Variants in CLCC1 observed in about 807,000 individuals in gnomAD.
The protein encoded by CLCC1 is chloride channel CLIC like 1.
Under a neutral mutation model 63.3 loss-of-function variants are expected in CLCC1, and 39 were observed. That is an observed-to-expected ratio of 0.62 (90% CI 0.48 to 0.81). The LOEUF (loss-of-function observed/expected upper bound fraction) is 0.81. CLCC1 is among the 30% of genes least tolerant of loss of function. The pLI is 0.00. For synonymous variants in CLCC1, 217 were observed against 239.8 expected (o/e 0.90, Z 0.88); for missense variants, 549 against 669.4 (o/e 0.82, Z 1.98).
Position 108,930,031 on chromosome 1 carries a change from T to A in CLCC1, c.*2516A>T. The A allele has an allele frequency of 9.0e-7, 1 of 1,109,012 alleles. No homozygotes were observed. 68.7% of individuals were successfully genotyped at this position (1,109,012 alleles called of 1,614,324 possible). On this transcript the variant is annotated 3_prime_UTR_variant, in exon 13 of 13. Coordinates refer to ENST00000369969, the MANE Select transcript of CLCC1 (RefSeq NM_001377458.1). ...AAAAGGAGAATTTATAGCACTGTAA[T>A]ACAGCTTAAAATATTTTTAGAATGA... is the stretch of plus-strand genomic sequence containing the variant.
Position 108,939,663 on chromosome 1 carries a change from C to G in CLCC1, c.1014G>C (p.Val338=). Residue 338 remains valine, a synonymous_variant, in exon 10 of 13, where the codon GTG becomes GTC. Transcript: ENST00000369969. ...GGATGGCTAATGCCATAATTATCAG[C>G]ACTGGAAGATGAAGCAGCGCTGGAA... is the stretch of plus-strand genomic sequence containing the variant. ...KEIPALLHLP[V]LIIMALAILS... 6.2e-7 allele frequency: 1 copy of G among 1,614,052 alleles called. No homozygotes were observed. The highest frequency in any genetic ancestry group is 8.5e-7 in the Non-Finnish European group (1 of 1,179,986).
At chr1:108,962,566 T>C (rs1462034799) in intron 1 of CLCC1, 97 bp from the exon 2 acceptor site, 1 of 152,130 alleles carries the variant, frequency 6.6e-6, no homozygotes, top group Non-Finnish European at 1.5e-5. Context: ...GTCTAACTTT[T>C]TACACTCAAA....
chr1:108,939,383 T>C (rs1653501416), intron 10 of CLCC1, among the ~76,000 whole-genome samples: 1 of 150,032 alleles, frequency 6.7e-6, no homozygotes, highest in Non-Finnish European at 1.5e-5. Context: ...CTCGGCTCAC[T>C]GCAAGCTCCG....
rs140783310 is a variant in CLCC1 at position 108,962,554 on chromosome 1, G to A, written c.-172-85C>T. The A allele has an allele frequency of 6.2e-3, 939 of 152,244 alleles. 3 individuals are homozygous for A. The highest frequency in any genetic ancestry group is 0.021 in the African/African-American group (866 of 41,532). The allele number at this position is 152,244 out of a possible 1,614,324, so 9.4% of individuals were successfully genotyped here. A position where few individuals can be genotyped will look rare whatever the true frequency, so the allele number is the denominator to read the frequency against. ...CAGTAATAAACCTACAGCTTATGGT[G>A]TGTCTAACTTTTTACACTCAAATCA... On this transcript the variant is annotated intron_variant, in intron 1 of 12. Transcript: ENST00000369969.
At chr1:108,947,742 C>T in intron 4 of CLCC1, 24 bp from the exon 5 acceptor site, 1 of 1,473,578 alleles carries the variant, frequency 6.8e-7, no homozygotes, top group South Asian at 1.2e-5. Flanking sequence ...ATCAATTCAA[C>T]ATTAGTTAGA....
In CLCC1 at chr1:108,962,390, T is replaced by C. The variant is rs1038752131; in HGVS notation, c.-93A>G. 3 of 152,214 alleles carry C rather than the reference T, an allele frequency of 2.0e-5. No homozygotes were observed. Among genetic ancestry groups the C allele is most frequent in the Non-Finnish European group, 4.4e-5 (3 of 68,042 alleles). The allele number at this position is 152,214 out of a possible 1,614,324, so 9.4% of individuals were successfully genotyped here. ...GAGGCTGCAACTTATTTCGTATGCT[T>C]ATGCAGTTTCTTGGAACCATGGCTC... On this transcript the variant is annotated 5_prime_UTR_variant, in exon 2 of 13. The change creates a new upstream start codon in the 5' untranslated region. Transcript: ENST00000369969.
Position 108,934,794 on chromosome 1 carries a change from G to A in CLCC1, c.1532C>T (p.Ala511Val), listed in dbSNP as rs1652626322. The A allele has an allele frequency of 2.5e-6, 4 of 1,614,086 alleles. No homozygotes were observed. Among genetic ancestry groups the A allele is most frequent in the Non-Finnish European group, 2.5e-6 (3 of 1,180,054 alleles). Residue 511 changes from alanine to valine, a missense_variant, in exon 12 of 13, where the codon GCA becomes GTA. Coordinates refer to ENST00000369969, the MANE Select transcript of CLCC1 (RefSeq NM_001377458.1). Reference sequence around the variant, plus strand: ...AGACTTGAGCTGGGCCTTTTCCGCTGCGGGTGAACCTTCTGTATTCCCTGA... The same window carrying A: ...AGACTTGAGCTGGGCCTTTTCCGCTACGGGTGAACCTTCTGTATTCCCTGA... ...DTSGNTEGSP[A>V]AEKAQLKSEA... is the part of the protein sequence containing the mutation.
chr1:108,943,457 C>T lies in CLCC1; in HGVS notation c.702+18G>A, dbSNP rs779333350. The T allele has an allele frequency of 2.5e-6, 4 of 1,605,142 alleles. No homozygotes were observed. The highest frequency in any genetic ancestry group is 1.1e-5 in the South Asian group (1 of 89,910). ...AATAAATGTGTTAAAATTGTAAAACCCTCCATCCATATAATACCTTATATA... is the reference window on the plus strand; with the variant it reads ...AATAAATGTGTTAAAATTGTAAAACTCTCCATCCATATAATACCTTATATA... On this transcript the variant is annotated intron_variant, in intron 7 of 12. Transcript: ENST00000369969.
At chr1:108,939,361 C>CAGTG (rs1296941556) in intron 10 of CLCC1, among the ~76,000 whole-genome samples, 1 of 146,392 alleles carries the variant, frequency 6.8e-6, no homozygotes, top group East Asian at 2.0e-4. Context: ...GGCTGGAGTA[C>CAGTG]AGTGGTGCGA....
intron 5 of CLCC1, 149 bp downstream of exon 5, chr1:108,947,462 T>G (rs1654689640): frequency 7.1e-6 from 4 of 565,110 alleles, no homozygotes; most frequent in Non-Finnish European, 1.3e-5. Context: ...GTAGTGCCTT[T>G]AATCCTGAAT....
chr1:108,944,343 C>T (rs1045976927), intron 5 of CLCC1, among the ~76,000 whole-genome samples: 7 of 152,026 alleles, frequency 4.6e-5, no homozygotes, highest in East Asian at 1.9e-4. Flanking sequence ...CAGTGGTGTG[C>T]ACCTGGCTCC....
At chr1:108,958,141 C>A (rs1250260638) in intron 2 of CLCC1, among the ~76,000 whole-genome samples, 1 of 151,350 alleles carries the variant, frequency 6.6e-6, no homozygotes, top group Non-Finnish European at 1.5e-5. Context: ...AGAAAGCCTA[C>A]CGGGAATGGT....
In CLCC1 at chr1:108,943,629, G is replaced by GAA; in HGVS notation, c.562-16_562-15dup. On this transcript the variant is annotated splice_polypyrimidine_tract_variant and intron_variant, in intron 6 of 12. Transcript: ENST00000369969. ...ACAAAGAAGTACCTTAAAACAGAGA[G>GAA]AAGCAGAAATCAGCCACCAAAAACA... 1 of 1,612,726 alleles carries GAA rather than the reference G, an allele frequency of 6.2e-7. No individual in the cohort carries two copies. The highest frequency in any genetic ancestry group is 8.5e-7 in the Non-Finnish European group (1 of 1,179,776).
At chr1:108,936,861 T>G (rs1228490523) in intron 11 of CLCC1, among the ~76,000 whole-genome samples, 2 of 152,236 alleles carry the variant, frequency 1.3e-5, no homozygotes, top group Non-Finnish European at 1.5e-5. Flanking sequence ...AACAAACTAC[T>G]GTTAAATTGT....
chr1:108,944,489 A>AAT (rs1183470434), intron 5 of CLCC1, among the ~76,000 whole-genome samples: 1 of 152,084 alleles, frequency 6.6e-6, no homozygotes, highest in Non-Finnish European at 1.5e-5. Context: ...AAATAATAAT[A>AAT]ATATCCACCT....
At position 108,949,824 on chromosome 1, in the gene CLCC1, T is replaced by C. The variant is rs773463901; in HGVS notation, c.227A>G (p.Tyr76Cys). ...TTTATCAATAAAAAAACTAACCTTA[T>C]AAGTTAAAGAATCAAGTTTGTGATA... Reference protein sequence around the residue: ...ECYHKLDSLTYKIDECEKKKR... With the variant: ...ECYHKLDSLTCKIDECEKKKR... Residue 76 changes from tyrosine (Y) to cysteine (C), a missense_variant, in exon 4 of 13, where the codon TAT (tyrosine) becomes TGT (cysteine). By Grantham distance (194) the Tyr-to-Cys change is radical. Coordinates refer to ENST00000369969, the MANE Select transcript of CLCC1 (RefSeq NM_001377458.1). 7 of 1,538,612 alleles carry C rather than the reference T, an allele frequency of 4.5e-6. No homozygotes were observed. The Admixed American group carries it at 1.2e-4, about 25-fold the overall frequency.
At position 108,941,747 on chromosome 1, in the gene CLCC1, G is replaced by A. The variant is rs571283169; in HGVS notation, c.703-249C>T. On this transcript the variant is annotated intron_variant, in intron 7 of 12. Transcript: ENST00000369969. Reference sequence around the variant, plus strand: ...CGGCTCACTGCAACCACCACCTCCCGGGTTCAAGCGATTCTCCTGCCTCAG... The same window carrying A: ...CGGCTCACTGCAACCACCACCTCCCAGGTTCAAGCGATTCTCCTGCCTCAG... Among the ~76,000 whole-genome samples the A allele has an allele frequency of 8.5e-5, 13 of 152,122 alleles. No individual in the cohort carries two copies. The South Asian group carries it at 2.1e-3, about 24-fold the overall frequency.
chr1:108,961,681 G>A (rs973872239), intron 2 of CLCC1, among the ~76,000 whole-genome samples: 4 of 152,174 alleles, frequency 2.6e-5, no homozygotes, highest in African/African-American at 9.7e-5. Flanking sequence ...CCACCATGGA[G>A]AAACCCTGTC....
rs2291686 is a variant in CLCC1, at chr1:108,934,601, A to G, written c.*45+24T>C. 147 of 1,516,058 alleles carry G rather than the reference A, an allele frequency of 9.7e-5. No individual in the cohort carries two copies. The East Asian group carries it at 3.3e-3, about 34-fold the overall frequency. 93.9% of individuals were successfully genotyped at this position (1,516,058 alleles called of 1,614,324 possible). ...AATCAGAATTCTTGCAGAGAAGAGA[A>G]AGAGAGTGAAGAGTATACTTTACAA... On this transcript the variant is annotated intron_variant, in intron 12 of 12. Coordinates refer to ENST00000369969, the MANE Select transcript of CLCC1 (RefSeq NM_001377458.1).
Sources: allele counts gnomAD v4.1 joint callset (sites outside exome capture counted in the v4.1 genomes callset), GRCh38; gene constraint gnomAD v4.1.1; transcripts MANE v1.5; gene names NCBI Gene and HGNC (gene_info 2026-07-23, HGNC 2026-07-21).